ZNF865: variants seen among roughly 807,000 people sequenced by gnomAD.
ZNF865 encodes zinc finger protein 865.
For missense variants in ZNF865, 1,311 were observed against 1,593.4 expected, an observed-to-expected ratio of 0.82 and a Z score of 3.02; for synonymous variants, 763 against 750.8, an observed-to-expected ratio of 1.02 and a Z score of -0.27.
intron 1 of ZNF865, among the ~76,000 whole-genome samples, chr19:55,606,601 C>A (rs1243725844): frequency 6.6e-6 from 1 of 152,236 alleles, no homozygotes; most frequent in African/African-American, 2.4e-5. Flanking sequence ...ATGGCGTGAA[C>A]AACTGTTGCC....
chr19:55,614,558 T>C lies in ZNF865; in HGVS notation c.940T>C (p.Ser314Pro). 1 of 1,478,968 alleles carries C rather than the reference T, an allele frequency of 6.8e-7. No individual in the cohort carries two copies. Among genetic ancestry groups the C allele is most frequent in the Non-Finnish European group, 8.9e-7 (1 of 1,122,418 alleles). The allele number at this position is 1,478,968 out of a possible 1,614,324, so 91.6% of individuals were successfully genotyped here. The change falls in exon 2 of 2, where the codon TCG becomes CCG. Residue 314 changes from serine to proline, a missense_variant. Transcript: ENST00000568956. This position sits in a 1 kb window ranked among gnomAD's most constrained non-coding sequence, Gnocchi z 8.0. Reference sequence around the variant, plus strand: ...CGCCGCCGCCCCCTCCACGGTGTCCTCGGGCCCTCCAGCCACGCCCGTGGC... The same window carrying C: ...CGCCGCCGCCCCCTCCACGGTGTCCCCGGGCCCTCCAGCCACGCCCGTGGC... ...ATAAAPSTVS[S>P]GPPATPVAPA...
intron 1 of ZNF865, among the ~76,000 whole-genome samples, chr19:55,613,377 A>T (rs1025233662): frequency 1.9e-4 from 29 of 152,048 alleles, no homozygotes; most frequent in Non-Finnish European, 3.7e-4. Context: ...GAGAACACAG[A>T]GAGGGAAGGT....
chr19:55,610,966 A>C (rs1981112787), intron 1 of ZNF865, among the ~76,000 whole-genome samples: 2 of 152,186 alleles, frequency 1.3e-5, no homozygotes, highest in African/African-American at 4.8e-5. Flanking sequence ...GACACCCCTC[A>C]TAACCCAGAA....
rs1420329318 is a variant in ZNF865 at position 55,614,728 on chromosome 19, C to A, written c.1110C>A (p.Ile370=). 3 of 1,587,268 alleles carry A rather than the reference C, an allele frequency of 1.9e-6. No homozygotes were observed. The highest frequency in any genetic ancestry group is 2.6e-6 in the Non-Finnish European group (3 of 1,174,428). ...CCAGTCACCTCCACCAGCACCAGAT[C>A]ATCCACACGGGCGAGAAGCCCTTCT... The part of the protein sequence containing the change: ...KKPSHLHQHQ[I]IHTGEKPFSC... The change falls in exon 2 of 2, where the codon ATC becomes ATA. Residue 370 remains isoleucine, a synonymous_variant. Transcript: ENST00000568956. The surrounding 1 kb of genome is among the most constrained non-coding windows in gnomAD (Gnocchi z 8.0).
chr19:55,608,312 CTTTTT>C, intron 1 of ZNF865, among the ~76,000 whole-genome samples: 1 of 125,296 alleles, frequency 8.0e-6, no homozygotes, highest in Non-Finnish European at 1.7e-5. Context: ...AGGACTGTGG[CTTTTT>C]TTTTTTTTTT....
Position 55,611,199 on chromosome 19 carries a change from T to C in ZNF865, c.-26-2394T>C, listed in dbSNP as rs1417518288. On this transcript the variant is annotated intron_variant, in intron 1 of 1. Transcript: ENST00000568956. This position sits in a 1 kb window ranked among gnomAD's most constrained non-coding sequence, Gnocchi z 4.5. ...GAACAGCTGCCCCTATTTAGAGTTG[T>C]GGGGAGTCAGTGAATTAATATGTGT... Among the ~76,000 whole-genome samples the C allele has an allele frequency of 1.3e-5, 2 of 152,082 alleles. No individual in the cohort carries two copies. The highest frequency in any genetic ancestry group is 1.3e-4 in the Admixed American group (2 of 15,276).
chr19:55,613,740 G>A lies in ZNF865; in HGVS notation c.122G>A (p.Arg41His). ...TTCCTGGAATTCCTCAACCACCAGCGCTTCGAGCCCATGGAACTGTATGGG... is the reference window on the plus strand; with the variant it reads ...TTCCTGGAATTCCTCAACCACCAGCACTTCGAGCCCATGGAACTGTATGGG... ...FDFLEFLNHQRFEPMELYGEH... is the reference protein window; with the variant it reads ...FDFLEFLNHQHFEPMELYGEH... The change falls in exon 2 of 2, where the codon CGC becomes CAC. Residue 41 changes from arginine (R) to histidine (H), a missense_variant. Arg to His is a conservative substitution (Grantham distance 29). Transcript: ENST00000568956. 2 of 1,534,616 alleles carry A rather than the reference G, an allele frequency of 1.3e-6. No homozygotes were observed. The highest frequency in any genetic ancestry group is 1.7e-6 in the Non-Finnish European group (2 of 1,146,192).
intron 1 of ZNF865, among the ~76,000 whole-genome samples, chr19:55,606,808 G>A (rs576043885): frequency 6.5e-4 from 99 of 152,360 alleles, no homozygotes; most frequent in African/African-American, 2.4e-3. Flanking sequence ...ACTGTGCGGG[G>A]TCTCACAGTC....
chr19:55,613,006 G>A (rs1275628473), intron 1 of ZNF865: 1 of 152,748 alleles, frequency 6.5e-6, no homozygotes, highest in Non-Finnish European at 1.5e-5. Flanking sequence ...GCAGGAGTAT[G>A]GAGAGACAGC....
At chr19:55,606,971 A>G (rs1980966429) in intron 1 of ZNF865, among the ~76,000 whole-genome samples, 1 of 152,172 alleles carries the variant, frequency 6.6e-6, no homozygotes, top group South Asian at 2.1e-4. Context: ...AACAAGTGCA[A>G]AGGCCCTGAA....
At chr19:55,612,892 C>T (rs1433917470) in intron 1 of ZNF865, 1 of 152,208 alleles carries the variant, frequency 6.6e-6, no homozygotes, top group East Asian at 1.9e-4. Context: ...CAGAGTCCTC[C>T]CTCCTAATTA....
Position 55,615,051 on chromosome 19 carries a change from C to T in ZNF865, c.1433C>T (p.Ala478Val). 3 of 1,247,706 alleles carry T rather than the reference C, an allele frequency of 2.4e-6. No individual in the cohort carries two copies. The highest frequency in any genetic ancestry group is 3.0e-6 in the Non-Finnish European group (3 of 994,482). 77.3% of individuals were successfully genotyped at this position (1,247,706 alleles called of 1,614,324 possible). A position where few individuals can be genotyped will look rare whatever the true frequency, so the allele number is the denominator to read the frequency against. ...AAAEAPKDGA[A>V]SAPQPPPTFP... is the part of the protein sequence containing the mutation. ...GCGGAGGCGCCCAAGGACGGGGCGG[C>T]CTCGGCCCCGCAGCCCCCGCCCACC... The change falls in exon 2 of 2, where the codon GCC (alanine) becomes GTC (valine). Residue 478 changes from alanine to valine, a missense_variant. By Grantham distance (64) the Ala-to-Val change is moderately conservative (BLOSUM62 0). Transcript: ENST00000568956.
intron 1 of ZNF865, chr19:55,613,221 A>T (rs542448947): frequency 5.2e-6 from 1 of 194,034 alleles, no homozygotes; most frequent in South Asian, 1.6e-4. Context: ...CAACAAAGCA[A>T]AACCCCGTTT....
In ZNF865 at chr19:55,616,562, C is replaced by T. The variant is rs1324999064; in HGVS notation, c.2944C>T (p.His982Tyr). 6.5e-7 allele frequency: 1 copy of T among 1,532,476 alleles called. No homozygotes were observed. The highest frequency in any genetic ancestry group is 1.4e-5 in the African/African-American group (1 of 72,910). The allele number at this position is 1,532,476 out of a possible 1,614,324, so 94.9% of individuals were successfully genotyped here. The change falls in exon 2 of 2, where the codon CAT becomes TAT. Residue 982 changes from histidine to tyrosine, a missense_variant. Physicochemically the swap from His to Tyr is moderately conservative, Grantham distance 83. Transcript: ENST00000568956. ...LSSVLRHQRAHEPPRPELRCP... is the reference protein window; with the variant it reads ...LSSVLRHQRAYEPPRPELRCP... Reference sequence around the variant, plus strand: ...CTCCGTGCTGCGCCACCAGCGCGCCCATGAGCCGCCGCGGCCCGAGCTCCG... The same window carrying T: ...CTCCGTGCTGCGCCACCAGCGCGCCTATGAGCCGCCGCGGCCCGAGCTCCG...
At position 55,616,765 on chromosome 19, in the gene ZNF865, A is replaced by T; in HGVS notation, c.3147A>T (p.Ala1049=). The T allele has an allele frequency of 6.9e-7, 1 of 1,458,804 alleles. No homozygotes were observed. The highest frequency in any genetic ancestry group is 9.0e-7 in the Non-Finnish European group (1 of 1,111,354). 90.4% of individuals were successfully genotyped at this position (1,458,804 alleles called of 1,614,324 possible). A position where few individuals can be genotyped will look rare whatever the true frequency, so the allele number is the denominator to read the frequency against. Residue 1049 remains alanine, a synonymous_variant, in exon 2 of 2, where the codon GCA becomes GCT. Coordinates refer to ENST00000568956, the MANE Select transcript of ZNF865 (RefSeq NM_001195605.2). The stretch of plus-strand genomic sequence containing the variant: ...CCGAGAACCTCGGGGGGCCTGGAGC[A>T]GGGGCGGGCACCTTGGCCGGGAAGG... ...HKAENLGGPG[A]GAGTLAGKDA
rs1568526349 is a variant in ZNF865, at chr19:55,614,545, C to T, written c.927C>T (p.Pro309=). ...PAASAATAAA[P]STVSSGPPAT... is the part of the protein sequence containing the mutation. ...CCAGCGCCGCCACCGCCGCCGCCCCCTCCACGGTGTCCTCGGGCCCTCCAG... is the reference window on the plus strand; with the variant it reads ...CCAGCGCCGCCACCGCCGCCGCCCCTTCCACGGTGTCCTCGGGCCCTCCAG... The change falls in exon 2 of 2, where the codon CCC becomes CCT. Residue 309 remains proline (P), a synonymous_variant. Coordinates refer to ENST00000568956, the MANE Select transcript of ZNF865 (RefSeq NM_001195605.2). This position sits in a 1 kb window ranked among gnomAD's most constrained non-coding sequence, Gnocchi z 8.0. 2 of 1,439,268 alleles carry T rather than the reference C, an allele frequency of 1.4e-6. No individual in the cohort carries two copies. The highest frequency in any genetic ancestry group is 1.8e-6 in the Non-Finnish European group (2 of 1,105,176). The allele number at this position is 1,439,268 out of a possible 1,614,324, so 89.2% of individuals were successfully genotyped here. A position where few individuals can be genotyped will look rare whatever the true frequency, so the allele number is the denominator to read the frequency against.
In ZNF865 at chr19:55,616,850, C is replaced by T. The variant is rs2123595299; in HGVS notation, c.*52C>T. The T allele has an allele frequency of 1.4e-6, 2 of 1,410,096 alleles. No homozygotes were observed. The highest frequency in any genetic ancestry group is 1.5e-5 in the South Asian group (1 of 65,822). The allele number at this position is 1,410,096 out of a possible 1,614,324, so 87.3% of individuals were successfully genotyped here. On this transcript the variant is annotated 3_prime_UTR_variant, in exon 2 of 2. Coordinates refer to ENST00000568956, the MANE Select transcript of ZNF865 (RefSeq NM_001195605.2). ...CAAAAGCCCCCTTCTGGACTCCCACCTCCCAGGACTGATCAGACTCTTCCC... is the reference window on the plus strand; with the variant it reads ...CAAAAGCCCCCTTCTGGACTCCCACTTCCCAGGACTGATCAGACTCTTCCC...
At position 55,614,842 on chromosome 19, in the gene ZNF865, C is replaced by G; in HGVS notation, c.1224C>G (p.Pro408=). 6.5e-7 allele frequency: 1 copy of G among 1,529,206 alleles called. No individual in the cohort carries two copies. The highest frequency in any genetic ancestry group is 8.7e-7 in the Non-Finnish European group (1 of 1,143,164). 94.7% of individuals were successfully genotyped at this position (1,529,206 alleles called of 1,614,324 possible). A position where few individuals can be genotyped will look rare whatever the true frequency, so the allele number is the denominator to read the frequency against. ...ACTCGGCCGACCTCCTGCGCCTGCC[C>G]TGCGGCATCTGCGGGAAGGCCTTCC... ...KTHSADLLRL[P]CGICGKAFRD... Residue 408 remains proline (P), a synonymous_variant, in exon 2 of 2, where the codon CCC becomes CCG. Transcript: ENST00000568956. This position sits in a 1 kb window ranked among gnomAD's most constrained non-coding sequence, Gnocchi z 8.0.
In ZNF865 at chr19:55,615,246, C is replaced by G; in HGVS notation, c.1628C>G (p.Ala543Gly). The change falls in exon 2 of 2, where the codon GCC (alanine) becomes GGC (glycine). Residue 543 changes from alanine to glycine, a missense_variant. Ala to Gly is a moderately conservative substitution (Grantham distance 60). Transcript: ENST00000568956. ...ACCAGCGGGGCGGGAGGCTCGGGCG[C>G]CAGCGTCCCAGGAAAGACGTTCTGC... ...AGTSGAGGSG[A>G]SVPGKTFCCG... 1 of 1,514,670 alleles carries G rather than the reference C, an allele frequency of 6.6e-7. No homozygotes were observed. Among genetic ancestry groups the G allele is most frequent in the Non-Finnish European group, 8.8e-7 (1 of 1,138,882 alleles). 93.8% of individuals were successfully genotyped at this position (1,514,670 alleles called of 1,614,324 possible).
Sources: allele counts gnomAD v4.1 joint callset (sites outside exome capture counted in the v4.1 genomes callset), GRCh38; gene constraint gnomAD v4.1.1; non-coding constraint Gnocchi (gnomAD v3.1); transcripts MANE v1.5; gene names NCBI Gene and HGNC (gene_info 2026-07-23, HGNC 2026-07-21).